H2BC6: variants seen among roughly 807,000 people sequenced by gnomAD.
H2BC6 encodes histone H2B type 1-C/E/F/G/I.
A neutral mutation model predicts 6.1 loss-of-function variants in H2BC6; 8 were observed. The observed-to-expected ratio is 1.31, with a 90% CI of 0.77 to 2.36. H2BC6 has a LOEUF of 2.36. Among genes scored for constraint, H2BC6 ranks in the 30% most tolerant of loss-of-function variants. The pLI is 0.00. For synonymous variants in H2BC6, 136 were observed against 73.9 expected (o/e 1.84, Z -4.31); for missense variants, 212 against 169.9 (o/e 1.25, Z -1.38).
rs751848804 is a variant in H2BC6, at chr6:26,183,981, C to T, written c.186C>T (p.Ile62=). The change falls in exon 1 of 1, where the codon ATC becomes ATT. Residue 62 remains isoleucine, a synonymous_variant. Coordinates refer to ENST00000614097, the MANE Select transcript of H2BC6 (RefSeq NM_003523.3). ...GCATCTCCTCTAAAGCCATGGGGATCATGAATTCCTTTGTCAACGACATCT... is the reference window on the plus strand; with the variant it reads ...GCATCTCCTCTAAAGCCATGGGGATTATGAATTCCTTTGTCAACGACATCT... ...DTGISSKAMG[I]MNSFVNDIFE... 8 of 1,614,264 alleles carry T rather than the reference C, an allele frequency of 5.0e-6. No individual in the cohort carries two copies. Among genetic ancestry groups the T allele is most frequent in the African/African-American group, 2.7e-5 (2 of 75,070 alleles).
Position 26,184,155 on chromosome 6 carries a change from C to T in H2BC6, c.360C>T (p.Thr120=). Residue 120 remains threonine (T), a synonymous_variant, in exon 1 of 1, where the codon ACC becomes ACT. Transcript: ENST00000614097. ...HAVSEGTKAV[T]KYTSSK is the part of the protein sequence containing the mutation. The stretch of plus-strand genomic sequence containing the variant: ...TGTCAGAGGGCACCAAGGCCGTTAC[C>T]AAGTACACCAGCTCCAAGTAAACTT... 1 of 1,614,192 alleles carries T rather than the reference C, an allele frequency of 6.2e-7. No homozygotes were observed.
Position 26,183,940 on chromosome 6 carries a change from G to T in H2BC6, c.145G>T (p.Val49Phe). The change falls in exon 1 of 1, where the codon GTC (valine) becomes TTC (phenylalanine). Residue 49 changes from valine to phenylalanine, a missense_variant. Coordinates refer to ENST00000614097, the MANE Select transcript of H2BC6 (RefSeq NM_003523.3). ...SVYVYKVLKQ[V>F]HPDTGISSKA... ...ATACGTGTACAAGGTGCTGAAACAGGTCCACCCCGACACCGGCATCTCCTC... is the reference window on the plus strand; with the variant it reads ...ATACGTGTACAAGGTGCTGAAACAGTTCCACCCCGACACCGGCATCTCCTC... 6.2e-7 allele frequency: 1 copy of T among 1,614,238 alleles called. No individual in the cohort carries two copies. The highest frequency in any genetic ancestry group is 8.5e-7 in the Non-Finnish European group (1 of 1,180,036).
In H2BC6 at chr6:26,184,026, G is replaced by T; in HGVS notation, c.231G>T (p.Glu77Asp). The change falls in exon 1 of 1, where the codon GAG becomes GAT. Residue 77 changes from glutamate to aspartate, a missense_variant. Glu to Asp is a conservative substitution (Grantham distance 45). Coordinates refer to ENST00000614097, the MANE Select transcript of H2BC6 (RefSeq NM_003523.3). ...VNDIFERIAG[E>D]ASRLAHYNKR... ...ACATCTTCGAGCGCATCGCCGGCGA[G>T]GCTTCCCGCCTGGCGCATTACAACA... 1 of 1,614,274 alleles carries T rather than the reference G, an allele frequency of 6.2e-7. No homozygotes were observed. Among genetic ancestry groups the T allele is most frequent in the Non-Finnish European group, 8.5e-7 (1 of 1,180,044 alleles).
Position 26,183,846 on chromosome 6 carries a change from G to T in H2BC6, c.51G>T (p.Lys17Asn), listed in dbSNP as rs570095612. ...SAPAPKKGSK[K>N]AVTKAQKKDG... ...CCGCCCCGAAGAAGGGCTCCAAGAA[G>T]GCCGTGACCAAGGCGCAGAAGAAGG... is the stretch of plus-strand genomic sequence containing the variant. The change falls in exon 1 of 1, where the codon AAG (lysine) becomes AAT (asparagine). Residue 17 changes from lysine to asparagine, a missense_variant. Coordinates refer to ENST00000614097, the MANE Select transcript of H2BC6 (RefSeq NM_003523.3). 1 of 1,614,132 alleles carries T rather than the reference G, an allele frequency of 6.2e-7. No homozygotes were observed. The highest frequency in any genetic ancestry group is 1.3e-5 in the African/African-American group (1 of 74,948).
Position 26,183,873 on chromosome 6 carries a change from C to A in H2BC6, c.78C>A (p.Asp26Glu). The A allele has an allele frequency of 6.2e-7, 1 of 1,614,250 alleles. No homozygotes were observed. The highest frequency in any genetic ancestry group is 8.5e-7 in the Non-Finnish European group (1 of 1,180,042). The change falls in exon 1 of 1, where the codon GAC becomes GAA. Residue 26 changes from aspartate (D) to glutamate (E), a missense_variant. Coordinates refer to ENST00000614097, the MANE Select transcript of H2BC6 (RefSeq NM_003523.3). The part of the protein sequence containing the change: ...KKAVTKAQKK[D>E]GKKRKRSRKE... Reference sequence around the variant, plus strand: ...CCGTGACCAAGGCGCAGAAGAAGGACGGCAAGAAGCGCAAGCGCAGCCGCA... The same window carrying A: ...CCGTGACCAAGGCGCAGAAGAAGGAAGGCAAGAAGCGCAAGCGCAGCCGCA...
At position 26,183,881 on chromosome 6, in the gene H2BC6, A is replaced by G. The variant is rs758574968; in HGVS notation, c.86A>G (p.Lys29Arg). The G allele has an allele frequency of 1.2e-6, 2 of 1,614,132 alleles. No individual in the cohort carries two copies. Among genetic ancestry groups the G allele is most frequent in the Non-Finnish European group, 1.7e-6 (2 of 1,180,050 alleles). The change falls in exon 1 of 1, where the codon AAG becomes AGG. Residue 29 changes from lysine (K) to arginine (R), a missense_variant. By Grantham distance (26) the Lys-to-Arg change is conservative (BLOSUM62 2). Coordinates refer to ENST00000614097, the MANE Select transcript of H2BC6 (RefSeq NM_003523.3). ...VTKAQKKDGK[K>R]RKRSRKESYS... is the part of the protein sequence containing the mutation. ...AAGGCGCAGAAGAAGGACGGCAAGA[A>G]GCGCAAGCGCAGCCGCAAGGAGAGC...
rs568409555 is a variant in H2BC6 at position 26,183,990 on chromosome 6, C to G, written c.195C>G (p.Ser65=). The G allele has an allele frequency of 4.6e-5, 75 of 1,614,272 alleles. 1 individual carries two copies. In the South Asian group the frequency reaches 6.4e-4, roughly 14 times the overall value. The change falls in exon 1 of 1, where the codon TCC becomes TCG. Residue 65 remains serine, a synonymous_variant. Coordinates refer to ENST00000614097, the MANE Select transcript of H2BC6 (RefSeq NM_003523.3). ...CTAAAGCCATGGGGATCATGAATTC[C>G]TTTGTCAACGACATCTTCGAGCGCA... ...ISSKAMGIMN[S]FVNDIFERIA...
In H2BC6 at chr6:26,183,950, A is replaced by G. The variant is rs765247203; in HGVS notation, c.155A>G (p.Asp52Gly). The change falls in exon 1 of 1, where the codon GAC becomes GGC. Residue 52 changes from aspartate to glycine, a missense_variant. Physicochemically the swap from Asp to Gly is moderately conservative, Grantham distance 94. Transcript: ENST00000614097. Reference protein sequence around the residue: ...VYKVLKQVHPDTGISSKAMGI... With the variant: ...VYKVLKQVHPGTGISSKAMGI... ...AAGGTGCTGAAACAGGTCCACCCCG[A>G]CACCGGCATCTCCTCTAAAGCCATG... The G allele has an allele frequency of 1.9e-6, 3 of 1,614,222 alleles. No homozygotes were observed. Among genetic ancestry groups the G allele is most frequent in the Non-Finnish European group, 2.5e-6 (3 of 1,180,044 alleles).
rs1325076779 is a variant in H2BC6 at position 26,183,912 on chromosome 6, C to G, written c.117C>G (p.Ser39=). 6.2e-7 allele frequency: 1 copy of G among 1,614,154 alleles called. No homozygotes were observed. The highest frequency in any genetic ancestry group is 8.5e-7 in the Non-Finnish European group (1 of 1,180,056). ...AGCGCAGCCGCAAGGAGAGCTACTC[C>G]GTATACGTGTACAAGGTGCTGAAAC... ...KRKRSRKESY[S]VYVYKVLKQV... The change falls in exon 1 of 1, where the codon TCC becomes TCG. Residue 39 remains serine (S), a synonymous_variant. Transcript: ENST00000614097.
In H2BC6 at chr6:26,183,938, A is replaced by C; in HGVS notation, c.143A>C (p.Gln48Pro). The change falls in exon 1 of 1, where the codon CAG becomes CCG. Residue 48 changes from glutamine to proline, a missense_variant. Gln to Pro is a moderately conservative substitution (Grantham distance 76, BLOSUM62 -1). Transcript: ENST00000614097. ...YSVYVYKVLKQVHPDTGISSK... is the reference protein window; with the variant it reads ...YSVYVYKVLKPVHPDTGISSK... ...GTATACGTGTACAAGGTGCTGAAAC[A>C]GGTCCACCCCGACACCGGCATCTCC... The C allele has an allele frequency of 6.2e-7, 1 of 1,614,252 alleles. No individual in the cohort carries two copies. The highest frequency in any genetic ancestry group is 8.5e-7 in the Non-Finnish European group (1 of 1,180,050).
chr6:26,183,859 G>A lies in H2BC6; in HGVS notation c.64G>A (p.Ala22Thr), dbSNP rs1193515924. The A allele has an allele frequency of 4.3e-6, 7 of 1,614,230 alleles. No individual in the cohort carries two copies. Among genetic ancestry groups the A allele is most frequent in the Non-Finnish European group, 5.9e-6 (7 of 1,180,034 alleles). The part of the protein sequence containing the change: ...KKGSKKAVTK[A>T]QKKDGKKRKR... The stretch of plus-strand genomic sequence containing the variant: ...GGGCTCCAAGAAGGCCGTGACCAAG[G>A]CGCAGAAGAAGGACGGCAAGAAGCG... The change falls in exon 1 of 1, where the codon GCG becomes ACG. Residue 22 changes from alanine to threonine, a missense_variant. Ala to Thr is a moderately conservative substitution (Grantham distance 58, BLOSUM62 0). Coordinates refer to ENST00000614097, the MANE Select transcript of H2BC6 (RefSeq NM_003523.3).
chr6:26,184,061 C>CCAT lies in H2BC6; in HGVS notation c.269_271dup (p.Ile90dup). The CCAT allele has an allele frequency of 6.2e-7, 1 of 1,614,260 alleles. No homozygotes were observed. Among genetic ancestry groups the CCAT allele is most frequent in the Non-Finnish European group, 8.5e-7 (1 of 1,180,052 alleles). ...CTGGCGCATTACAACAAGCGCTCGA[C>CCAT]CATCACCTCCAGGGAGATCCAGACG... On this transcript the variant is annotated inframe_insertion, in exon 1 of 1. Coordinates refer to ENST00000614097, the MANE Select transcript of H2BC6 (RefSeq NM_003523.3).
rs143792250 is a variant in H2BC6 at position 26,184,080 on chromosome 6, C to T, written c.285C>T (p.Ile95=). The change falls in exon 1 of 1, where the codon ATC becomes ATT. Residue 95 remains isoleucine (I), a synonymous_variant. Coordinates refer to ENST00000614097, the MANE Select transcript of H2BC6 (RefSeq NM_003523.3). ...NKRSTITSRE[I]QTAVRLLLPG... ...GCTCGACCATCACCTCCAGGGAGAT[C>T]CAGACGGCCGTGCGCCTGCTGCTTC... 1.6e-4 allele frequency: 255 copies of T among 1,614,236 alleles called. 1 individual carries two copies. The highest frequency in any genetic ancestry group is 6.6e-4 in the South Asian group (60 of 91,084).
Position 26,183,966 on chromosome 6 carries a change from T to C in H2BC6, c.171T>C (p.Ser57=), listed in dbSNP as rs894370842. ...KQVHPDTGIS[S]KAMGIMNSFV... ...TCCACCCCGACACCGGCATCTCCTC[T>C]AAAGCCATGGGGATCATGAATTCCT... is the stretch of plus-strand genomic sequence containing the variant. Residue 57 remains serine, a synonymous_variant, in exon 1 of 1, where the codon TCT becomes TCC. Transcript: ENST00000614097. 6.2e-7 allele frequency: 1 copy of C among 1,614,250 alleles called. No homozygotes were observed. The highest frequency in any genetic ancestry group is 8.5e-7 in the Non-Finnish European group (1 of 1,180,046).
In H2BC6 at chr6:26,183,924, C is replaced by G. The variant is rs913070606; in HGVS notation, c.129C>G (p.Tyr43Ter). The G allele has an allele frequency of 1.1e-5, 18 of 1,614,162 alleles. No individual in the cohort carries two copies. The highest frequency in any genetic ancestry group is 1.3e-5 in the African/African-American group (1 of 74,956). ...SRKESYSVYV[Y>*]KVLKQVHPDT... ...AGGAGAGCTACTCCGTATACGTGTA[C>G]AAGGTGCTGAAACAGGTCCACCCCG... The change falls in exon 1 of 1, where the codon TAC becomes TAG. Residue 43 changes from tyrosine (Y) to a stop codon, truncating the protein, a stop_gained. Transcript: ENST00000614097. LOFTEE classifies it high-confidence loss of function.
Position 26,183,926 on chromosome 6 carries a change from A to G in H2BC6, c.131A>G (p.Lys44Arg). ...GAGAGCTACTCCGTATACGTGTACA[A>G]GGTGCTGAAACAGGTCCACCCCGAC... ...RKESYSVYVY[K>R]VLKQVHPDTG... is the part of the protein sequence containing the mutation. Residue 44 changes from lysine to arginine, a missense_variant, in exon 1 of 1, where the codon AAG becomes AGG. Coordinates refer to ENST00000614097, the MANE Select transcript of H2BC6 (RefSeq NM_003523.3). The G allele has an allele frequency of 1.2e-6, 2 of 1,614,254 alleles. No individual in the cohort carries two copies. The highest frequency in any genetic ancestry group is 1.7e-6 in the Non-Finnish European group (2 of 1,180,032).
In H2BC6 at chr6:26,184,059, G is replaced by A. The variant is rs779369515; in HGVS notation, c.264G>A (p.Ser88=). 6.2e-7 allele frequency: 1 copy of A among 1,614,230 alleles called. No homozygotes were observed. The highest frequency in any genetic ancestry group is 1.7e-5 in the Admixed American group (1 of 60,024). The stretch of plus-strand genomic sequence containing the variant: ...GCCTGGCGCATTACAACAAGCGCTC[G>A]ACCATCACCTCCAGGGAGATCCAGA... ...ASRLAHYNKR[S]TITSREIQTA... Residue 88 remains serine, a synonymous_variant, in exon 1 of 1, where the codon TCG becomes TCA. Coordinates refer to ENST00000614097, the MANE Select transcript of H2BC6 (RefSeq NM_003523.3).
At position 26,183,823 on chromosome 6, in the gene H2BC6, GC is replaced by G. The variant is rs777660004; in HGVS notation, c.32del (p.Pro11ArgfsTer9). The G allele has an allele frequency of 6.2e-7, 1 of 1,614,072 alleles. No individual in the cohort carries two copies. The highest frequency in any genetic ancestry group is 1.3e-5 in the African/African-American group (1 of 74,932). MPEPAKSAP[A>X]PKKGSKKAVT... ...GCCTGAGCCAGCGAAATCCGCTCCC[GC>G]CCCGAAGAAGGGCTCCAAGAAGGCC... On this transcript the variant is annotated frameshift_variant, in exon 1 of 1. Coordinates refer to ENST00000614097, the MANE Select transcript of H2BC6 (RefSeq NM_003523.3). LOFTEE classifies it high-confidence loss of function.
In H2BC6 at chr6:26,184,057, T is replaced by G; in HGVS notation, c.262T>G (p.Ser88Ala). The part of the protein sequence containing the change: ...ASRLAHYNKR[S>A]TITSREIQTA... ...CCGCCTGGCGCATTACAACAAGCGCTCGACCATCACCTCCAGGGAGATCCA... is the reference window on the plus strand; with the variant it reads ...CCGCCTGGCGCATTACAACAAGCGCGCGACCATCACCTCCAGGGAGATCCA... Residue 88 changes from serine to alanine, a missense_variant, in exon 1 of 1, where the codon TCG (serine) becomes GCG (alanine). By Grantham distance (99) the Ser-to-Ala change is moderately conservative. Transcript: ENST00000614097. 6.2e-7 allele frequency: 1 copy of G among 1,614,224 alleles called. No individual in the cohort carries two copies. The highest frequency in any genetic ancestry group is 1.3e-5 in the African/African-American group (1 of 75,050).
Sources: gnomAD v4.1 joint callset for allele counts on GRCh38, gnomAD v4.1.1 for gene constraint, MANE v1.5 for transcripts, NCBI Gene and HGNC (gene_info 2026-07-23, HGNC 2026-07-21) for gene names.